Variants in CRISPLD2 observed in about 807,000 individuals in gnomAD.
CRISPLD2 encodes cysteine-rich secretory protein LCCL domain-containing 2.
In CRISPLD2, 47 loss-of-function variants were observed where a neutral mutation model predicts 71.1. The ratio of observed to expected loss-of-function variants is 0.66; its 90% CI spans 0.52 to 0.84. The LOEUF is 0.84. CRISPLD2 is among the 40% of genes least tolerant of loss of function. The pLI, the probability that CRISPLD2 is intolerant of heterozygous loss-of-function variation, is 0.00. For synonymous variants in CRISPLD2, 317 were observed against 250.1 expected (o/e 1.27, Z -2.52); for missense variants, 830 against 651.1 (o/e 1.27, Z -2.99).
chr16:84,833,848 C>T (rs1916549483), intron 1 of CRISPLD2, among the ~76,000 whole-genome samples: 1 of 152,186 alleles, frequency 6.6e-6, no homozygotes, highest in Non-Finnish European at 1.5e-5. Flanking sequence ...GAGGCCCGTG[C>T]CCTGACTCCC....
At chr16:84,845,559 AG>A (rs1267895553) in intron 2 of CRISPLD2, among the ~76,000 whole-genome samples, 1 of 152,258 alleles carries the variant, frequency 6.6e-6, no homozygotes, top group African/African-American at 2.4e-5. Flanking sequence ...GCACCTGCCC[AG>A]GACCTCTGGC....
chr16:84,885,245 C>T (rs915585249), intron 13 of CRISPLD2, among the ~76,000 whole-genome samples: 2 of 148,558 alleles, frequency 1.3e-5, no homozygotes, highest in Non-Finnish European at 1.5e-5. Context: ...TAATTGTGTT[C>T]GCTTACCAAA....
chr16:84,902,490 G>A (rs1396216443), intron 14 of CRISPLD2, among the ~76,000 whole-genome samples: 1 of 151,640 alleles, frequency 6.6e-6, no homozygotes, highest in African/African-American at 2.4e-5. Context: ...GACACTTGTA[G>A]TCCCAGCTAC....
intron 14 of CRISPLD2, among the ~76,000 whole-genome samples, chr16:84,905,444 G>C (rs1597490481): frequency 6.6e-6 from 1 of 151,888 alleles, no homozygotes; most frequent in Admixed American, 6.6e-5. Flanking sequence ...CTCTTGCCCA[G>C]GCTGGAGTGC....
At chr16:84,832,841 C>T (rs1399165368) in intron 1 of CRISPLD2, among the ~76,000 whole-genome samples, 1 of 152,256 alleles carries the variant, frequency 6.6e-6, no homozygotes, top group Admixed American at 6.5e-5. Flanking sequence ...AGCCCAGCTC[C>T]TTCTCCCTCA....
Position 84,907,198 on chromosome 16 carries a change from AAG to A in CRISPLD2, c.*559_*560del, listed in dbSNP as rs1398649647. 5.9e-6 allele frequency: 1 copy of A among 169,176 alleles called. No individual in the cohort carries two copies. Among genetic ancestry groups the A allele is most frequent in the Non-Finnish European group, 1.3e-5 (1 of 78,806 alleles). The allele number at this position is 169,176 out of a possible 1,614,324, so 10.5% of individuals were successfully genotyped here. On this transcript the variant is annotated 3_prime_UTR_variant, in exon 15 of 15. Transcript: ENST00000262424. Reference sequence around the variant, plus strand: ...GTCAGACAGACAAATGGGCTAGAGTAAGAGGGCTGCGGGTATGAGAGACCCCG... The same window carrying A: ...GTCAGACAGACAAATGGGCTAGAGTAAGGGCTGCGGGTATGAGAGACCCCG...
At chr16:84,834,342 T>G (rs1916563701) in intron 1 of CRISPLD2, among the ~76,000 whole-genome samples, 1 of 152,220 alleles carries the variant, frequency 6.6e-6, no homozygotes, top group South Asian at 2.1e-4. Context: ...AAAGAGTTTG[T>G]GTGTTTTCAT....
In CRISPLD2 at chr16:84,838,601, A is replaced by G. The variant is rs147841355; in HGVS notation, c.106A>G (p.Ser36Gly). Residue 36 changes from serine (S) to glycine (G), a missense_variant, in exon 2 of 15, where the codon AGC becomes GGC. Transcript: ENST00000262424. ...CGTCACTCTCTTAGAGGAGCTGCTC[A>G]GCAAATACCAGCACAACGAGTCTCA... ...PNVTLLEELL[S>G]KYQHNESHSR... 46 of 1,614,256 alleles carry G rather than the reference A, an allele frequency of 2.8e-5. No homozygotes were observed. The African/African-American group carries it at 3.7e-4, about 13-fold the overall frequency.
At chr16:84,889,075 C>T (rs564387688) in intron 13 of CRISPLD2, among the ~76,000 whole-genome samples, 155 bp from the exon 14 acceptor site, 1 of 152,232 alleles carries the variant, frequency 6.6e-6, no homozygotes, top group South Asian at 2.1e-4. Context: ...GGAGAGACCC[C>T]CAAGGCATCA....
intron 14 of CRISPLD2, among the ~76,000 whole-genome samples, chr16:84,891,311 G>A (rs992012746): frequency 3.3e-5 from 5 of 152,214 alleles, no homozygotes; most frequent in African/African-American, 1.2e-4. Flanking sequence ...TCCACTGCCA[G>A]CCTCCTGGGC....
chr16:84,885,211 G>A (rs1477157785), intron 13 of CRISPLD2, among the ~76,000 whole-genome samples: 1 of 152,204 alleles, frequency 6.6e-6, no homozygotes, highest in African/African-American at 2.4e-5. Flanking sequence ...CAAGGCTTCC[G>A]CCTGCCGGAA....
chr16:84,891,749 C>G (rs2071664690), intron 14 of CRISPLD2, among the ~76,000 whole-genome samples: 1 of 152,170 alleles, frequency 6.6e-6, no homozygotes, highest in Non-Finnish European at 1.5e-5. Flanking sequence ...GTGGGGGCCC[C>G]ATTGGTAGGC....
intron 12 of CRISPLD2, among the ~76,000 whole-genome samples, chr16:84,877,995 G>A (rs562436573): frequency 3.6e-4 from 54 of 150,776 alleles, no homozygotes; most frequent in Non-Finnish European, 6.5e-4. Flanking sequence ...CGGATCACGA[G>A]GTCAGGAGAT....
chr16:84,880,197 G>A (rs2071556276), intron 12 of CRISPLD2, among the ~76,000 whole-genome samples: 1 of 152,072 alleles, frequency 6.6e-6, no homozygotes, highest in Non-Finnish European at 1.5e-5. Flanking sequence ...AATGGGAGGG[G>A]CAGCCTCACA....
chr16:84,864,099 G>A (rs1421353101), intron 6 of CRISPLD2, among the ~76,000 whole-genome samples: 1 of 152,138 alleles, frequency 6.6e-6, no homozygotes, highest in Non-Finnish European at 1.5e-5. Context: ...ACCAGCTTTA[G>A]AGCCAGAAGG....
At chr16:84,860,201 C>G (rs546749071) in intron 6 of CRISPLD2, among the ~76,000 whole-genome samples, 5 of 152,248 alleles carry the variant, frequency 3.3e-5, no homozygotes, top group South Asian at 2.1e-4. Context: ...CAGTGAAGAA[C>G]CTTTTTTAAC....
At chr16:84,887,193 A>G (rs1475437086) in intron 13 of CRISPLD2, among the ~76,000 whole-genome samples, 6 of 152,202 alleles carry the variant, frequency 3.9e-5, no homozygotes, top group Non-Finnish European at 7.3e-5. Context: ...CAGAGGTGAC[A>G]TAGCCCAGCC....
chr16:84,866,812 G>A (rs374658075), intron 6 of CRISPLD2, 85 bp from the exon 7 acceptor site: 2 of 1,344,918 alleles, frequency 1.5e-6, no homozygotes, highest in East Asian at 2.3e-5. Context: ...AACACGTTTA[G>A]TTTTCAAATT....
At chr16:84,905,054 G>A (rs557080337) in intron 14 of CRISPLD2, among the ~76,000 whole-genome samples, 1 of 152,330 alleles carries the variant, frequency 6.6e-6, no homozygotes, top group Admixed American at 6.5e-5. Context: ...GCTGAGGCAG[G>A]AGGATCACTT....
Sources: allele counts gnomAD v4.1 joint callset (sites outside exome capture counted in the v4.1 genomes callset), GRCh38; gene constraint gnomAD v4.1.1; transcripts MANE v1.5; gene names NCBI Gene and HGNC (gene_info 2026-07-23, HGNC 2026-07-21).